TOGARAM2: variants seen among roughly 807,000 people sequenced by gnomAD.
TOGARAM2 encodes TOG array regulator of axonemal microtubules 2.
TOGARAM2 carries 85 observed loss-of-function variants against 93.3 expected under a neutral mutation model. The observed-to-expected ratio is 0.91, with a 90% CI of 0.76 to 1.09. The LOEUF (loss-of-function observed/expected upper bound fraction) is 1.09. Among genes scored for constraint, TOGARAM2 ranks in the 50% least tolerant of loss-of-function variants. The pLI is 0.00. For missense variants in TOGARAM2, 1,277 were observed against 1,334.5 expected (o/e 0.96, Z 0.67); for synonymous variants, 593 against 552.8 (o/e 1.07, Z -1.02).
intron 9 of TOGARAM2, 47 bp from the exon 10 acceptor site, chr2:29,017,744 AG>A: frequency 2.0e-6 from 3 of 1,511,992 alleles, no homozygotes; most frequent in Admixed American, 2.1e-5. Context: ...CATTGAGGCC[AG>A]GGGAAAACAG....
intron 18 of TOGARAM2, among the ~76,000 whole-genome samples, chr2:29,040,761 C>T (rs1666382488): frequency 1.3e-5 from 2 of 152,154 alleles, no homozygotes; most frequent in Non-Finnish European, 2.9e-5. Context: ...CCTGCCCAGC[C>T]CTCCGCCACT....
intron 6 of TOGARAM2, 82 bp from the exon 7 acceptor site, chr2:29,011,373 C>T: frequency 1.5e-6 from 2 of 1,363,718 alleles, no homozygotes; most frequent in East Asian, 2.4e-5. Flanking sequence ...ATTGCCCCAT[C>T]CTGGAGCCAC....
At position 28,959,491 on chromosome 2, in the gene TOGARAM2, T is replaced by C. The variant is rs375288411; in HGVS notation, c.-147+2794T>C. On this transcript the variant is annotated intron_variant, in intron 1 of 6. Coordinates refer to the TOGARAM2 transcript ENST00000401723. ...AGTATAGGCCGGGTGCGGTGGCTCA[T>C]GCCTGTAATCCCAGCACTTTGGAAG... 2.9e-3 allele frequency among the ~76,000 whole-genome samples: 448 copies of C among 152,280 alleles called. 1 individual carries two copies. The highest frequency in any genetic ancestry group is 1.0e-2 in the African/African-American group (415 of 41,560).
chr2:29,043,461 T>C (rs956667926), intron 18 of TOGARAM2, among the ~76,000 whole-genome samples: 1 of 152,180 alleles, frequency 6.6e-6, no homozygotes, highest in African/African-American at 2.4e-5. Flanking sequence ...AAAGTGAGAC[T>C]GGAAAGACTT....
intron 10 of TOGARAM2, among the ~76,000 whole-genome samples, chr2:29,021,809 C>CA (rs147159048): frequency 0.025 from 3,826 of 152,294 alleles, 129 homozygotes; most frequent in East Asian, 0.16. Flanking sequence ...CAGGGGGCCC[C>CA]ACCCCACCAC....
chr2:29,042,496 C>G (rs1398632469), intron 18 of TOGARAM2, among the ~76,000 whole-genome samples: 1 of 152,190 alleles, frequency 6.6e-6, no homozygotes, highest in East Asian at 1.9e-4. Context: ...CAGGTTCCAG[C>G]TCATGCTGAG....
At chr2:29,024,922 G>A (rs977823388) in intron 13 of TOGARAM2, among the ~76,000 whole-genome samples, 13 of 152,202 alleles carry the variant, frequency 8.5e-5, no homozygotes, top group Non-Finnish European at 1.5e-4. Flanking sequence ...CTGGGGAGGG[G>A]AAGGTATTGG....
chr2:28,956,773 C>G lies in TOGARAM2; in HGVS notation c.-147+76C>G, dbSNP rs1228197909. The G allele has an allele frequency of 6.6e-6, 1 of 152,242 alleles. No individual in the cohort carries two copies. Among genetic ancestry groups the G allele is most frequent in the South Asian group, 2.1e-4 (1 of 4,830 alleles). The allele number at this position is 152,242 out of a possible 1,614,324, so 9.4% of individuals were successfully genotyped here. On this transcript the variant is annotated intron_variant, in intron 1 of 6. Coordinates refer to the TOGARAM2 transcript ENST00000401723. This position sits in a 1 kb window ranked among gnomAD's most constrained non-coding sequence, Gnocchi z 4.5. ...TTCAATAGATTCCGTCAAATTGCCTCTCAGTATGGCTGTAACAATTTATAG... is the reference window on the plus strand; with the variant it reads ...TTCAATAGATTCCGTCAAATTGCCTGTCAGTATGGCTGTAACAATTTATAG...
chr2:28,995,823 C>T (rs1553336918), intron 2 of TOGARAM2, among the ~76,000 whole-genome samples: 1 of 152,190 alleles, frequency 6.6e-6, no homozygotes, highest in Non-Finnish European at 1.5e-5. Flanking sequence ...TGGGGATGGA[C>T]GAGCTGGGTT....
At position 29,011,477 on chromosome 2, in the gene TOGARAM2, C is replaced by A; in HGVS notation, c.853C>A (p.Arg285=). 1 of 1,607,322 alleles carries A rather than the reference C, an allele frequency of 6.2e-7. No individual in the cohort carries two copies. Among genetic ancestry groups the A allele is most frequent in the East Asian group, 2.3e-5 (1 of 44,256 alleles). The change falls in exon 7 of 20, where the codon CGG becomes AGG. Residue 285 remains arginine (R), a synonymous_variant. Coordinates refer to ENST00000379558, the MANE Select transcript of TOGARAM2 (RefSeq NM_199280.4). The part of the protein sequence containing the change: ...RTRLARGSGP[R]EKTPASLEPK... ...AAGATTGGCTCGGGGGAGTGGGCCT[C>A]GGGAGAAGACCCCTGCATCTCTGGG... is the stretch of plus-strand genomic sequence containing the variant.
At chr2:29,034,728 G>A (rs1665976472) in intron 16 of TOGARAM2, among the ~76,000 whole-genome samples, 2 of 152,178 alleles carry the variant, frequency 1.3e-5, no homozygotes, top group South Asian at 4.1e-4. Flanking sequence ...AGAAAATGGG[G>A]CTTTTTACAA....
chr2:29,030,354 G>A (rs1485789539), intron 14 of TOGARAM2, among the ~76,000 whole-genome samples: 1 of 152,132 alleles, frequency 6.6e-6, no homozygotes, highest in Non-Finnish European at 1.5e-5. Context: ...GTGAGTTTAG[G>A]GGGACTGGAA....
Position 29,026,882 on chromosome 2 carries a change from C to T in TOGARAM2, c.1883C>T (p.Ala628Val), listed in dbSNP as rs75688672. The T allele has an allele frequency of 9.9e-5, 157 of 1,591,742 alleles. 1 individual carries two copies. The East Asian group carries it at 2.9e-3, about 29-fold the overall frequency. ...CGGAACCCCTTGATCCGGAAATACG[C>T]GGCTGAGCACCTCTCAGCTGTGCTG... The part of the protein sequence containing the change: ...YHRNPLIRKY[A>V]AEHLSAVLEQ... Residue 628 changes from alanine (A) to valine (V), a missense_variant, in exon 14 of 20, where the codon GCG becomes GTG. Transcript: ENST00000379558.
chr2:29,015,725 G>T (rs1664526331), intron 8 of TOGARAM2, among the ~76,000 whole-genome samples: 1 of 152,084 alleles, frequency 6.6e-6, no homozygotes, highest in African/African-American at 2.4e-5. Flanking sequence ...GATACGACTT[G>T]TGTCTCATCC....
Position 29,051,822 on chromosome 2 carries a change from G to A in TOGARAM2, c.2789G>A (p.Trp930Ter). The stretch of plus-strand genomic sequence containing the variant: ...GAGCGGCATGTCCTTCCCATCCTCT[G>A]GCACTTCCTGAACACCGCCACCAGG... The part of the protein sequence containing the change: ...AVERHVLPIL[W>*]HFLNTATRNG... The change falls in exon 20 of 20, where the codon TGG (tryptophan) becomes TAG (stop). Residue 930 changes from tryptophan (W) to a stop codon, truncating the protein, a stop_gained. Transcript: ENST00000379558. LOFTEE classifies it low-confidence loss of function (END_TRUNC). The A allele has an allele frequency of 6.4e-7, 1 of 1,563,690 alleles. No homozygotes were observed. Among genetic ancestry groups the A allele is most frequent in the Non-Finnish European group, 8.7e-7 (1 of 1,153,768 alleles).
Position 29,033,577 on chromosome 2 carries a change from T to A in TOGARAM2, c.2225+14T>A. The A allele has an allele frequency of 1.9e-6, 3 of 1,608,894 alleles. No individual in the cohort carries two copies. Among genetic ancestry groups the A allele is most frequent in the African/African-American group, 2.7e-5 (2 of 74,986 alleles). The stretch of plus-strand genomic sequence containing the variant: ...CATCAAGGAGGGGTATGGCTGCTCC[T>A]GTATCTCTGGGCTTCACATCTAAGA... On this transcript the variant is annotated intron_variant, in intron 16 of 19. Transcript: ENST00000379558.
At chr2:28,960,353 CCTGT>C (rs1159406040) in intron 1 of TOGARAM2, among the ~76,000 whole-genome samples, 3 of 152,222 alleles carry the variant, frequency 2.0e-5, no homozygotes, top group African/African-American at 4.8e-5. Flanking sequence ...ATACCATCCT[CCTGT>C]CTAATTATTT....
intron 19 of TOGARAM2, 91 bp from the exon 20 acceptor site, chr2:29,051,665 C>A: frequency 1.8e-6 from 2 of 1,106,976 alleles, no homozygotes; most frequent in Non-Finnish European, 2.5e-6. Flanking sequence ...GGCTGCCAGC[C>A]CTTTGGGGGA....
chr2:28,983,456 C>T (rs1015901069), intron 1 of TOGARAM2, among the ~76,000 whole-genome samples: 26 of 151,948 alleles, frequency 1.7e-4, no homozygotes, highest in African/African-American at 4.6e-4. Flanking sequence ...CTAAACATTA[C>T]GCTGTGGCAT....
Sources: allele counts gnomAD v4.1 joint callset (sites outside exome capture counted in the v4.1 genomes callset), GRCh38; gene constraint gnomAD v4.1.1; non-coding constraint Gnocchi (gnomAD v3.1); transcripts MANE v1.5; gene names NCBI Gene and HGNC (gene_info 2026-07-23, HGNC 2026-07-21).